Variants in MAD1L1 observed in about 807,000 individuals in gnomAD.
The protein encoded by MAD1L1 is mitotic arrest deficient 1 like 1.
Under a neutral mutation model 96.9 loss-of-function variants are expected in MAD1L1, and 95 were observed. The observed-to-expected ratio is 0.98, with a 90% confidence interval of 0.83 to 1.16. The LOEUF is 1.16. Among genes scored for constraint, MAD1L1 ranks in the 50% most tolerant of loss-of-function variants. The pLI is 0.00. For missense variants in MAD1L1, 1,007 were observed against 954.4 expected (o/e 1.06, Z -0.73); for synonymous variants, 473 against 396.6 (o/e 1.19, Z -2.29).
chr7:1,967,694 C>A (rs1780225127), intron 15 of MAD1L1, among the ~76,000 whole-genome samples: 1 of 152,196 alleles, frequency 6.6e-6, no homozygotes, highest in Non-Finnish European at 1.5e-5. Flanking sequence ...GTCTGGAGCA[C>A]CCTGTGGTGC....
At chr7:1,852,534 G>A (rs1007070782) in intron 18 of MAD1L1, among the ~76,000 whole-genome samples, 2 of 152,290 alleles carry the variant, frequency 1.3e-5, no homozygotes, top group Middle Eastern at 6.8e-3. Context: ...ACCCTGGCCC[G>A]ACCGCCGCCA....
Position 2,108,691 on chromosome 7 carries a change from T to G in MAD1L1, c.1074-39353A>C, listed in dbSNP as rs570345124. Among the ~76,000 whole-genome samples, 5 of 152,300 alleles carry G rather than the reference T, an allele frequency of 3.3e-5. No individual in the cohort carries two copies. The South Asian group carries it at 1.0e-3, about 32-fold the overall frequency. On this transcript the variant is annotated intron_variant, in intron 11 of 18. Transcript: ENST00000265854. ...GGAGCCAGGGGTTGGCAGAGGGGGTTTCACTCTGGCTTTCTCTCTAAGGTC... is the reference window on the plus strand; with the variant it reads ...GGAGCCAGGGGTTGGCAGAGGGGGTGTCACTCTGGCTTTCTCTCTAAGGTC...
chr7:1,818,639 G>T lies in MAD1L1; in HGVS notation c.1999-2411C>A, dbSNP rs991208561. Among the ~76,000 whole-genome samples, 21 of 151,880 alleles carry T rather than the reference G, an allele frequency of 1.4e-4. 1 individual carries two copies. Among genetic ancestry groups the T allele is most frequent in the Non-Finnish European group, 2.9e-4 (20 of 67,974 alleles). The stretch of plus-strand genomic sequence containing the variant: ...CTGGCTGGTCTCAAACTCCTGGCCT[G>T]ACGTGATCCTCCTGCCTCAGCTGCC... On this transcript the variant is annotated intron_variant, in intron 18 of 18. Coordinates refer to ENST00000265854, the MANE Select transcript of MAD1L1 (RefSeq NM_001013836.2).
At chr7:1,907,102 G>T (rs890490038) in intron 17 of MAD1L1, among the ~76,000 whole-genome samples, 1 of 152,094 alleles carries the variant, frequency 6.6e-6, no homozygotes, top group East Asian at 1.9e-4. Flanking sequence ...GCTTCAGCCT[G>T]CGAGGGGCGG....
chr7:1,819,432 C>T (rs1030245302), intron 18 of MAD1L1, among the ~76,000 whole-genome samples: 4 of 152,162 alleles, frequency 2.6e-5, no homozygotes, highest in African/African-American at 9.7e-5. Flanking sequence ...ATTGTGGCCA[C>T]TGCACTCTAG....
At chr7:1,993,562 A>G (rs528451324) in intron 14 of MAD1L1, among the ~76,000 whole-genome samples, 1 of 152,216 alleles carries the variant, frequency 6.6e-6, no homozygotes, top group Non-Finnish European at 1.5e-5. Context: ...TTCCCTCTGC[A>G]CTGAGATTTT....
intron 18 of MAD1L1, among the ~76,000 whole-genome samples, chr7:1,888,432 G>C (rs911811262): frequency 6.7e-6 from 1 of 149,086 alleles, no homozygotes; most frequent in African/African-American, 2.6e-5. Flanking sequence ...GCATGCATGT[G>C]GCTGCCTGTA....
At chr7:1,852,110 G>T (rs1784008713) in intron 18 of MAD1L1, among the ~76,000 whole-genome samples, 1 of 152,234 alleles carries the variant, frequency 6.6e-6, no homozygotes, top group Non-Finnish European at 1.5e-5. Flanking sequence ...CCCAGGGCAG[G>T]ACCCAGACTT....
In MAD1L1 at chr7:2,016,638, T is replaced by C. The variant is rs73045483; in HGVS notation, c.1219-1996A>G. Reference sequence around the variant, plus strand: ...GGGCTCAGGAAACCCCGGCCTGCTCTCTCAGAAGACCCTGGAGCTCAGGCC... The same window carrying C: ...GGGCTCAGGAAACCCCGGCCTGCTCCCTCAGAAGACCCTGGAGCTCAGGCC... On this transcript the variant is annotated intron_variant, in intron 12 of 18. Coordinates refer to ENST00000265854, the MANE Select transcript of MAD1L1 (RefSeq NM_001013836.2). 8.0e-3 allele frequency among the ~76,000 whole-genome samples: 1,221 copies of C among 152,234 alleles called. 7 individuals carry two copies. The highest frequency in any genetic ancestry group is 0.012 in the Admixed American group (190 of 15,286).
intron 18 of MAD1L1, among the ~76,000 whole-genome samples, chr7:1,897,910 A>G (rs1388748579): frequency 1.3e-5 from 2 of 152,184 alleles, no homozygotes; most frequent in African/African-American, 2.4e-5. Flanking sequence ...CGCAGCCCTC[A>G]TGGAACGAAG....
At chr7:2,147,840 C>T (rs905956746) in intron 11 of MAD1L1, among the ~76,000 whole-genome samples, 12 of 152,236 alleles carry the variant, frequency 7.9e-5, no homozygotes, top group African/African-American at 2.7e-4. Context: ...TGTTCCCTTC[C>T]GTGTGGCCCT....
intron 11 of MAD1L1, among the ~76,000 whole-genome samples, chr7:2,094,462 A>G (rs1786374214): frequency 6.6e-6 from 1 of 152,224 alleles, no homozygotes; most frequent in Admixed American, 6.5e-5. Flanking sequence ...ACCAAAGTCT[A>G]TAATGTGCTT....
At chr7:1,882,732 G>T (rs934585007) in intron 18 of MAD1L1, among the ~76,000 whole-genome samples, 1 of 152,210 alleles carries the variant, frequency 6.6e-6, no homozygotes, top group Non-Finnish European at 1.5e-5. Context: ...CCACAGGCCC[G>T]CTGCATGGCC....
intron 5 of MAD1L1, among the ~76,000 whole-genome samples, chr7:2,221,183 T>C (rs1194334998): frequency 6.6e-6 from 1 of 151,850 alleles, no homozygotes. Context: ...CTGCGGCTCC[T>C]GCAGTCTCCT....
intron 11 of MAD1L1, among the ~76,000 whole-genome samples, chr7:2,117,049 C>T (rs753202930): frequency 6.6e-5 from 10 of 152,234 alleles, no homozygotes; most frequent in Non-Finnish European, 1.3e-4. Flanking sequence ...CAGGCTCTAA[C>T]GCTGGGAACA....
chr7:1,826,929 C>A (rs549076877), intron 18 of MAD1L1, among the ~76,000 whole-genome samples: 2 of 152,118 alleles, frequency 1.3e-5, no homozygotes, highest in East Asian at 1.9e-4. Context: ...GGCCAGGCAC[C>A]CCAGCAGTCG....
intron 18 of MAD1L1, among the ~76,000 whole-genome samples, chr7:1,828,474 G>A (rs1172310648): frequency 7.2e-5 from 11 of 152,328 alleles, no homozygotes; most frequent in African/African-American, 2.2e-4. Flanking sequence ...CTCACACTGG[G>A]CTGGACCAGT....
At chr7:1,964,903 G>A (rs1382599150) in intron 15 of MAD1L1, among the ~76,000 whole-genome samples, 1 of 152,200 alleles carries the variant, frequency 6.6e-6, no homozygotes, top group Non-Finnish European at 1.5e-5. Flanking sequence ...AGAGGGGACA[G>A]TAGGGAGACC....
At chr7:2,063,044 T>C (rs1784729269) in intron 12 of MAD1L1, among the ~76,000 whole-genome samples, 1 of 151,510 alleles carries the variant, frequency 6.6e-6, no homozygotes, top group Admixed American at 6.6e-5. Flanking sequence ...GAAAGAAAAA[T>C]GAGGGAAGGG....
Sources: gnomAD v4.1 joint callset for allele counts (sites outside exome capture counted in the v4.1 genomes callset) on GRCh38, gnomAD v4.1.1 for gene constraint, MANE v1.5 for transcripts, NCBI Gene and HGNC (gene_info 2026-07-23, HGNC 2026-07-21) for gene names.